Variants in LARP4B observed in about 807,000 individuals in gnomAD.
LARP4B encodes La ribonucleoprotein 4B.
Under a neutral mutation model 89.8 loss-of-function variants are expected in LARP4B, and 12 were observed. The observed-to-expected ratio is 0.13, with a 90% CI of 0.09 to 0.22. LARP4B has a LOEUF of 0.22. Ranked by LOEUF, LARP4B falls within the 10% of genes least tolerant of loss-of-function variation. The pLI, the probability that LARP4B is intolerant of heterozygous loss-of-function variation, is 1.00. For missense variants in LARP4B, 757 were observed against 947.7 expected, an observed-to-expected ratio of 0.80 and a Z score of 2.64; for synonymous variants, 367 against 363.3, an observed-to-expected ratio of 1.01 and a Z score of -0.12.
At chr10:842,801 G>A (rs953770646) in intron 7 of LARP4B, 131 bp downstream of exon 7, 27 of 783,142 alleles carry the variant, frequency 3.4e-5, no homozygotes, top group Middle Eastern at 3.7e-4. Flanking sequence ...AGAAAGGAAC[G>A]GAAGGCCAGA....
chr10:819,079 G>C (rs535528539), intron 14 of LARP4B: 1 of 152,352 alleles, frequency 6.6e-6, no homozygotes, highest in South Asian at 2.1e-4. Context: ...GCAGCTGGCT[G>C]TTGTATGCTC....
At chr10:839,978 A>T (rs866524733) in intron 7 of LARP4B, among the ~76,000 whole-genome samples, 1 of 152,340 alleles carries the variant, frequency 6.6e-6, no homozygotes, top group Middle Eastern at 3.4e-3. Flanking sequence ...TCACCTACTA[A>T]TCCAGTAAAC....
intron 5 of LARP4B, among the ~76,000 whole-genome samples, chr10:846,693 T>C (rs1321528858): frequency 2.0e-5 from 3 of 152,182 alleles, no homozygotes; most frequent in South Asian, 2.1e-4. Flanking sequence ...TCTGGTTCCA[T>C]GGTGTAGACA....
At chr10:903,989 C>G (rs1436056651) in intron 1 of LARP4B, among the ~76,000 whole-genome samples, 1 of 152,018 alleles carries the variant, frequency 6.6e-6, no homozygotes. Context: ...AACCTTGACA[C>G]GCAACACTGA....
intron 3 of LARP4B, chr10:873,420 T>C: frequency 1.0e-6 from 1 of 984,976 alleles, no homozygotes; most frequent in Non-Finnish European, 1.2e-6. Context: ...TATTTTTTCT[T>C]ACTCTCATAA....
rs535199518 is a variant in LARP4B at position 879,004 on chromosome 10, C to G, written c.141+5443G>C. Among the ~76,000 whole-genome samples the G allele has an allele frequency of 4.7e-4, 71 of 152,296 alleles. No homozygotes were observed. The South Asian group carries it at 7.5e-3, about 16-fold the overall frequency. Reference sequence around the variant, plus strand: ...GTGCCTTGAAAGACTACTATTACATCTGTCACACTTCCACAACAAGAGAAG... The same window carrying G: ...GTGCCTTGAAAGACTACTATTACATGTGTCACACTTCCACAACAAGAGAAG... On this transcript the variant is annotated intron_variant, in intron 3 of 17. Transcript: ENST00000316157.
chr10:982,812 A>T, the LARP4B span, among the ~76,000 whole-genome samples: 13 of 152,376 alleles, frequency 8.5e-5, no homozygotes, highest in East Asian at 2.1e-3. Flanking sequence ...TGAGCTATGA[A>T]GATGATCAGC....
In LARP4B at chr10:886,479, CATAAGA is replaced by C. The variant is rs1352956191; in HGVS notation, c.-39-725_-39-720del. On this transcript the variant is annotated intron_variant, in intron 1 of 17. Coordinates refer to ENST00000316157, the MANE Select transcript of LARP4B (RefSeq NM_015155.3). ...TCCAAAGGCAATGAAATCACCACCT[CATAAGA>C]ATATCTGCACTCCCATGTGGATTGC... Among the ~76,000 whole-genome samples, 9 of 152,318 alleles carry C rather than the reference CATAAGA, an allele frequency of 5.9e-5. No individual in the cohort carries two copies. The South Asian group carries it at 8.3e-4, about 14-fold the overall frequency.
intron 15 of LARP4B, chr10:815,823 C>G (rs1832018477): frequency 6.6e-6 from 1 of 152,244 alleles, no homozygotes; most frequent in Admixed American, 6.5e-5. Flanking sequence ...AGACCTAGAG[C>G]CCTTCCAGCT....
chr10:838,964 C>T (rs1455512709), intron 7 of LARP4B, among the ~76,000 whole-genome samples: 1 of 152,180 alleles, frequency 6.6e-6, no homozygotes, highest in Admixed American at 6.5e-5. Flanking sequence ...CACGAAAAGA[C>T]ATGGAGGAAC....
At chr10:874,111 G>C (rs1341724281) in intron 3 of LARP4B, among the ~76,000 whole-genome samples, 1 of 152,256 alleles carries the variant, frequency 6.6e-6, no homozygotes, top group East Asian at 1.9e-4. Flanking sequence ...GTGTGTGCCT[G>C]TAGTTCCAGC....
intron 3 of LARP4B, among the ~76,000 whole-genome samples, chr10:878,819 T>C (rs1835561077): frequency 6.6e-6 from 1 of 152,184 alleles, no homozygotes; most frequent in Non-Finnish European, 1.5e-5. Context: ...TTGAACAAAA[T>C]GCCTTAATAG....
chr10:947,052 T>G, the LARP4B span, among the ~76,000 whole-genome samples: 1 of 152,086 alleles, frequency 6.6e-6, no homozygotes, highest in Non-Finnish European at 1.5e-5. Context: ...ATATTTTTAG[T>G]AGAGACAAGT....
the LARP4B span, among the ~76,000 whole-genome samples, chr10:944,859 CTG>C: frequency 2.0e-5 from 3 of 152,306 alleles, no homozygotes; most frequent in African/African-American, 2.4e-5. Context: ...TTCTCTGACA[CTG>C]TGAATCTCAG....
the LARP4B span, among the ~76,000 whole-genome samples, chr10:976,331 G>C: frequency 6.8e-6 from 1 of 148,112 alleles, no homozygotes; most frequent in African/African-American, 2.5e-5. Flanking sequence ...TGTGGACCCG[G>C]CCTAGTAGAA....
the LARP4B span, chr10:972,826 C>A: frequency 2.2e-6 from 1 of 456,918 alleles, no homozygotes; most frequent in Non-Finnish European, 4.4e-6. Context: ...CAAGGCCACA[C>A]ATGCTGCCCA....
At chr10:850,064 A>T (rs1412826029) in intron 5 of LARP4B, among the ~76,000 whole-genome samples, 1 of 152,228 alleles carries the variant, frequency 6.6e-6, no homozygotes, top group Non-Finnish European at 1.5e-5. Context: ...ATTGGGACAA[A>T]TGTACCATAT....
At chr10:882,673 C>T (rs930970198) in intron 3 of LARP4B, among the ~76,000 whole-genome samples, 1 of 152,150 alleles carries the variant, frequency 6.6e-6, no homozygotes, top group East Asian at 1.9e-4. Context: ...TTTGGCTAAC[C>T]CTGTAAATAG....
intron 1 of LARP4B, among the ~76,000 whole-genome samples, chr10:888,572 G>T (rs1835930153): frequency 6.6e-6 from 1 of 152,122 alleles, no homozygotes; most frequent in Non-Finnish European, 1.5e-5. Context: ...CATATTTCCA[G>T]TCACAAAAAT....
Sources: allele counts gnomAD v4.1 joint callset (sites outside exome capture counted in the v4.1 genomes callset), GRCh38; gene constraint gnomAD v4.1.1; transcripts MANE v1.5; gene names NCBI Gene and HGNC (gene_info 2026-07-23, HGNC 2026-07-21).